Variants in ZNF790 observed in about 807,000 individuals in gnomAD.
ZNF790 encodes the protein zinc finger protein 790.
ZNF790 carries 8 observed loss-of-function variants against 12.1 expected under a neutral mutation model. The ratio of observed to expected loss-of-function variants is 0.66; its 90% CI spans 0.39 to 1.19. ZNF790 has a LOEUF of 1.19. Ranked by LOEUF, ZNF790 falls within the 50% of genes most tolerant of loss-of-function variation. The pLI is 0.01. For synonymous variants in ZNF790, 252 were observed against 244.3 expected (o/e 1.03, Z -0.29); for missense variants, 707 against 752.2 (o/e 0.94, Z 0.70).
At chr19:36,833,101 TATAA>T (rs1368789095) in intron 1 of ZNF790, among the ~76,000 whole-genome samples, 1 of 152,132 alleles carries the variant, frequency 6.6e-6, no homozygotes, top group Non-Finnish European at 1.5e-5. Flanking sequence ...TTCAAATTCC[TATAA>T]ATAAATCTAA....
At chr19:36,827,141 C>CACACACACACACATATATATATAT (rs1313807327) in intron 1 of ZNF790, among the ~76,000 whole-genome samples, 2 of 84,438 alleles carry the variant, frequency 2.4e-5, no homozygotes, top group Admixed American at 2.8e-4. Context: ...CACACACACA[C>CACACACACACACATATATATATAT]ATATATATAT....
At chr19:36,822,981 G>A (rs2071709229) in intron 4 of ZNF790, among the ~76,000 whole-genome samples, 1 of 152,036 alleles carries the variant, frequency 6.6e-6, no homozygotes, top group Admixed American at 6.6e-5. Context: ...TCCCGAGTAG[G>A]TGGGACTACA....
At chr19:36,834,519 A>G (rs971071720) in intron 1 of ZNF790, among the ~76,000 whole-genome samples, 3 of 152,210 alleles carry the variant, frequency 2.0e-5, no homozygotes, top group Non-Finnish European at 4.4e-5. Context: ...CAATACCACT[A>G]CATATCCACC....
rs2071623140 is a variant in ZNF790 at position 36,819,675 on chromosome 19, C to T, written c.669G>A (p.Lys223=). ...VIQYQTVHTV[K]KTYECKECGK... ...CACATTCTTTACATTCATATGTTTT[C>T]TTAACAGTGTGAACTGTCTGATATT... is the stretch of plus-strand genomic sequence containing the variant. The change falls in exon 5 of 5, where the codon AAG becomes AAA. Residue 223 remains lysine, a synonymous_variant. Transcript: ENST00000356725. 2 of 1,611,710 alleles carry T rather than the reference C, an allele frequency of 1.2e-6. No individual in the cohort carries two copies. The highest frequency in any genetic ancestry group is 1.7e-6 in the Non-Finnish European group (2 of 1,178,792).
chr19:36,836,829 C>T (rs1176829629), intron 1 of ZNF790, among the ~76,000 whole-genome samples: 1 of 152,180 alleles, frequency 6.6e-6, no homozygotes, highest in African/African-American at 2.4e-5. Context: ...AAGATTGTGA[C>T]CCCATAGTTA....
Position 36,817,542 on chromosome 19 carries a change from C to T in ZNF790, c.*891G>A, listed in dbSNP as rs2071576722. The T allele has an allele frequency of 6.6e-6, 1 of 151,758 alleles. No homozygotes were observed. Among genetic ancestry groups the T allele is most frequent in the African/African-American group, 2.4e-5 (1 of 41,286 alleles). The allele number at this position is 151,758 out of a possible 1,614,324, so 9.4% of individuals were successfully genotyped here. A position where few individuals can be genotyped will look rare whatever the true frequency, so the allele number is the denominator to read the frequency against. ...TCATTATAGTCTTAAAAGTCCTCCT[C>T]TCATAAAATGGCTTAATACCAATAC... On this transcript the variant is annotated 3_prime_UTR_variant, in exon 5 of 5. Coordinates refer to ENST00000356725, the MANE Select transcript of ZNF790 (RefSeq NM_206894.4).
chr19:36,819,704 T>A lies in ZNF790; in HGVS notation c.640A>T (p.Ile214Phe). The change falls in exon 5 of 5, where the codon ATT becomes TTT. Residue 214 changes from isoleucine (I) to phenylalanine (F), a missense_variant. Physicochemically the swap from Ile to Phe is conservative, Grantham distance 21. Coordinates refer to ENST00000356725, the MANE Select transcript of ZNF790 (RefSeq NM_206894.4). The part of the protein sequence containing the change: ...GNTFLPDSEV[I>F]QYQTVHTVKK... ...ACAGTGTGAACTGTCTGATATTGAA[T>A]AACTTCTGAATCAGGAAGAAAGGTA... The A allele has an allele frequency of 6.2e-7, 1 of 1,613,650 alleles. No homozygotes were observed. Among genetic ancestry groups the A allele is most frequent in the Non-Finnish European group, 8.5e-7 (1 of 1,179,794 alleles).
At chr19:36,830,312 TTTTA>T (rs2071922446) in intron 1 of ZNF790, among the ~76,000 whole-genome samples, 1 of 152,370 alleles carries the variant, frequency 6.6e-6, no homozygotes, top group African/African-American at 2.4e-5. Context: ...ATTTTTGTTT[TTTTA>T]TTCTATTGAT....
In ZNF790 at chr19:36,818,101, G is replaced by A. The variant is rs2071584394; in HGVS notation, c.*332C>T. 1 of 171,192 alleles carries A rather than the reference G, an allele frequency of 5.8e-6. No homozygotes were observed. Among genetic ancestry groups the A allele is most frequent in the South Asian group, 1.4e-4 (1 of 7,064 alleles). 10.6% of individuals were successfully genotyped at this position (171,192 alleles called of 1,614,324 possible). A position where few individuals can be genotyped will look rare whatever the true frequency, so the allele number is the denominator to read the frequency against. On this transcript the variant is annotated 3_prime_UTR_variant, in exon 5 of 5. Transcript: ENST00000356725. ...GTTTCCCAAAGTGCTAGGATAACAGGTGTGAGCCACCATGCTTGGCCAAAT... is the reference window on the plus strand; with the variant it reads ...GTTTCCCAAAGTGCTAGGATAACAGATGTGAGCCACCATGCTTGGCCAAAT...
chr19:36,823,905 T>C lies in ZNF790; in HGVS notation c.10-115A>G, dbSNP rs548654677. The C allele has an allele frequency of 2.8e-4, 262 of 948,908 alleles. 1 individual carries two copies. In the South Asian group the frequency reaches 5.7e-3, roughly 21 times the overall value. The allele number at this position is 948,908 out of a possible 1,614,324, so 58.8% of individuals were successfully genotyped here. A position where few individuals can be genotyped will look rare whatever the true frequency, so the allele number is the denominator to read the frequency against. On this transcript the variant is annotated intron_variant, in intron 2 of 4. Transcript: ENST00000356725. ...GGCACTGCAGGGAGTGGGGCATATA[T>C]TGGGCGAAAAACTGGAGTTGGCTGC...
intron 2 of ZNF790, among the ~76,000 whole-genome samples, chr19:36,824,626 T>C (rs2071757501): frequency 6.6e-6 from 1 of 152,146 alleles, no homozygotes; most frequent in African/African-American, 2.4e-5. Context: ...TACCACATCT[T>C]TATGATCTTC....
intron 1 of ZNF790, among the ~76,000 whole-genome samples, chr19:36,831,940 A>G (rs891903480): frequency 1.3e-5 from 2 of 152,200 alleles, no homozygotes; most frequent in African/African-American, 4.8e-5. Flanking sequence ...TATCAAATAT[A>G]AGAAAAAGGA....
chr19:36,827,141 C>CACACACACACACACATAT (rs1313807327), intron 1 of ZNF790, among the ~76,000 whole-genome samples: 53 of 84,430 alleles, frequency 6.3e-4, no homozygotes, highest in Middle Eastern at 6.2e-3. Context: ...CACACACACA[C>CACACACACACACACATAT]ATATATATAT....
In ZNF790 at chr19:36,818,523, G is replaced by A. The variant is rs1426677640; in HGVS notation, c.1821C>T (p.His607=). ...TFSHESNFAQ[H]QNIYTFEKSY... is the part of the protein sequence containing the mutation. The stretch of plus-strand genomic sequence containing the variant: ...ATTTCTCAAAAGTGTAAATATTCTG[G>A]TGTTGAGCAAAGTTTGACTCATGAC... The change falls in exon 5 of 5, where the codon CAC becomes CAT. Residue 607 remains histidine (H), a synonymous_variant. Transcript: ENST00000356725. 2 of 1,600,830 alleles carry A rather than the reference G, an allele frequency of 1.2e-6. No individual in the cohort carries two copies. The highest frequency in any genetic ancestry group is 2.7e-5 in the African/African-American group (2 of 74,650).
At chr19:36,847,905 G>A (rs1277062809) in intron 1 of ZNF790, among the ~76,000 whole-genome samples, 3 of 152,174 alleles carry the variant, frequency 2.0e-5, no homozygotes, top group Non-Finnish European at 4.4e-5. Flanking sequence ...TTCCTGCCCT[G>A]TGGAGGATGC....
intron 4 of ZNF790, among the ~76,000 whole-genome samples, chr19:36,820,423 C>G (rs1488095812): frequency 6.6e-6 from 1 of 152,116 alleles, no homozygotes; most frequent in East Asian, 1.9e-4. Context: ...TACAAGTTTC[C>G]AAGTACTATG....
chr19:36,819,297 A>G lies in ZNF790; in HGVS notation c.1047T>C (p.Arg349=). The G allele has an allele frequency of 1.2e-6, 2 of 1,611,234 alleles. No homozygotes were observed. Among genetic ancestry groups the G allele is most frequent in the South Asian group, 1.1e-5 (1 of 90,840 alleles). Residue 349 remains arginine, a synonymous_variant, in exon 5 of 5, where the codon CGT becomes CGC. Transcript: ENST00000356725. ...ECKECGKAFT[R]GSHLTQHQRI... is the part of the protein sequence containing the mutation. ...TCTGATGCTGAGTTAGGTGTGATCC[A>G]CGAGTAAAAGCTTTCCCACACTCCT...
chr19:36,825,460 A>C lies in ZNF790; in HGVS notation c.9+151T>G, dbSNP rs1047236707. 3.3e-5 allele frequency: 28 copies of C among 847,206 alleles called. 1 individual carries two copies. The highest frequency in any genetic ancestry group is 7.2e-5 in the South Asian group (5 of 69,080). The allele number at this position is 847,206 out of a possible 1,614,324, so 52.5% of individuals were successfully genotyped here. A position where few individuals can be genotyped will look rare whatever the true frequency, so the allele number is the denominator to read the frequency against. ...GTCATACTGGTTGGAGAAAAGAGGG[A>C]TATCTAGGGAAAGCATTGGACTGTT... On this transcript the variant is annotated intron_variant, in intron 2 of 4. Coordinates refer to ENST00000356725, the MANE Select transcript of ZNF790 (RefSeq NM_206894.4).
chr19:36,843,022 A>G (rs1219760600), upstream of ZNF790, among the ~76,000 whole-genome samples: 1 of 150,344 alleles, frequency 6.7e-6, no homozygotes, highest in Non-Finnish European at 1.5e-5. Context: ...AAAAAAAAAA[A>G]GACATGAAGG....
Sources: allele counts gnomAD v4.1 joint callset (sites outside exome capture counted in the v4.1 genomes callset), GRCh38; gene constraint gnomAD v4.1.1; transcripts MANE v1.5; gene names NCBI Gene and HGNC (gene_info 2026-07-23, HGNC 2026-07-21).